Variants in MAN2C1 observed in about 807,000 individuals in gnomAD.
MAN2C1 encodes alpha-mannosidase 2C1.
In MAN2C1, 111 loss-of-function variants were observed where a neutral mutation model predicts 126.9. The ratio of observed to expected loss-of-function variants is 0.87; its 90% CI spans 0.75 to 1.02. The LOEUF (loss-of-function observed/expected upper bound fraction) is 1.02. Ranked by LOEUF, MAN2C1 falls within the 50% of genes least tolerant of loss-of-function variation. The probability of loss-of-function intolerance (pLI) is 0.00; values close to 1 mark genes in which losing one functional copy is unlikely to be tolerated. For missense variants in MAN2C1, 1,363 were observed against 1,364.4 expected (o/e 1.00, Z 0.02); for synonymous variants, 567 against 561.5 (o/e 1.01, Z -0.14).
In MAN2C1 at chr15:75,368,472, A is replaced by G; in HGVS notation, c.101+11T>C. ...TGCGGTCGGCCGGCTGCGGGGGACC[A>G]GGGGCCACACCTGCCGCGGAGGTTA... On this transcript the variant is annotated intron_variant, in intron 1 of 25. Transcript: ENST00000267978. The G allele has an allele frequency of 6.5e-7, 1 of 1,547,392 alleles. No individual in the cohort carries two copies. The highest frequency in any genetic ancestry group is 8.7e-7 in the Non-Finnish European group (1 of 1,144,714).
rs1567268364 is a variant in MAN2C1, at chr15:75,356,267, CG to C, written c.2886+33del. On this transcript the variant is annotated intron_variant, in intron 24 of 25. Coordinates refer to ENST00000267978, the MANE Select transcript of MAN2C1 (RefSeq NM_006715.4). The surrounding 1 kb of genome is among the most constrained non-coding windows in gnomAD (Gnocchi z 5.8). ...GGAGGGGCCGAGGGCAGGCCCAGTT[CG>C]GAACCCCGTCCCCAGCACGTCCCAC... 3.1e-6 allele frequency: 5 copies of C among 1,611,070 alleles called. No individual in the cohort carries two copies. The highest frequency in any genetic ancestry group is 3.4e-6 in the Non-Finnish European group (4 of 1,178,540).
At chr15:75,367,031 G>A (rs964199821) in intron 3 of MAN2C1, among the ~76,000 whole-genome samples, 2 of 152,156 alleles carry the variant, frequency 1.3e-5, no homozygotes, top group African/African-American at 4.8e-5. Context: ...AGGAAGGGAT[G>A]GTCTCTGCCT....
In MAN2C1 at chr15:75,368,150, C is replaced by T. The variant is rs557669564; in HGVS notation, c.150G>A (p.Thr50=). The T allele has an allele frequency of 4.4e-6, 7 of 1,604,384 alleles. No homozygotes were observed. Among genetic ancestry groups the T allele is most frequent in the Non-Finnish European group, 5.9e-6 (7 of 1,176,878 alleles). ...CCTCCTGGTAGGGAAGTCTCTCCGGCGTCAGGAAGCTGGAGAGCACAGCCA... is the reference window on the plus strand; with the variant it reads ...CCTCCTGGTAGGGAAGTCTCTCCGGTGTCAGGAAGCTGGAGAGCACAGCCA... ...CPVAVLSSFL[T]PERLPYQEAV... The change falls in exon 2 of 26, where the codon ACG becomes ACA. Residue 50 remains threonine, a synonymous_variant. Transcript: ENST00000267978.
intron 4 of MAN2C1, chr15:75,365,589 G>A (rs763210669): frequency 1.5e-4 from 27 of 180,248 alleles, no homozygotes; most frequent in Non-Finnish European, 2.6e-4. Flanking sequence ...AGCTGGGCAT[G>A]GTGGTGGGCA....
Position 75,355,946 on chromosome 15 carries a change from A to G in MAN2C1, c.3083T>C (p.Val1028Ala). ...CTGAAGCACGAGCAACAGGGACAGC[A>G]CTTGGAAGGGAGAAAAGGTGAGCTT... ...RLKLTFSPFQ[V>A]LSLLLVLQPP... Residue 1028 changes from valine (V) to alanine (A), a missense_variant, in exon 26 of 26, where the codon GTG becomes GCG. Around this residue, in one of 3 missense-constraint regions of MAN2C1, gnomAD observed 668 missense variants for 650.1 expected, o/e 1.03. Transcript: ENST00000267978. 6.2e-7 allele frequency: 1 copy of G among 1,614,198 alleles called. No homozygotes were observed. The highest frequency in any genetic ancestry group is 8.5e-7 in the Non-Finnish European group (1 of 1,180,030).
chr15:75,368,530 C>T lies in MAN2C1; in HGVS notation c.54G>A (p.Glu18=). Residue 18 remains glutamate, a synonymous_variant, in exon 1 of 26, where the codon GAG becomes GAA. Transcript: ENST00000267978. ...TAAAGTAGAGCGGCGACACGAACTTCTCCACCCGCTCCAGCGTGGTGCGCC... is the reference window on the plus strand; with the variant it reads ...TAAAGTAGAGCGGCGACACGAACTTTTCCACCCGCTCCAGCGTGGTGCGCC... ...KHWRTTLERV[E]KFVSPLYFTD... 1 of 1,555,082 alleles carries T rather than the reference C, an allele frequency of 6.4e-7. No homozygotes were observed. The highest frequency in any genetic ancestry group is 1.2e-5 in the South Asian group (1 of 84,406).
At chr15:75,368,042 T>G (rs1398465369) in intron 2 of MAN2C1, 31 bp downstream of exon 2, 4 of 1,587,440 alleles carry the variant, frequency 2.5e-6, no homozygotes, top group Non-Finnish European at 3.4e-6. Context: ...CCTAGGCCTG[T>G]GGCCCCGCCC....
Position 75,360,690 on chromosome 15 carries a change from TGAG to T in MAN2C1, c.1461-5_1461-3del. On this transcript the variant is annotated splice_polypyrimidine_tract_variant and splice_region_variant and intron_variant, in intron 12 of 25. Transcript: ENST00000267978. ...TGTCTTGGAGAAGATAGCTGCACCC[TGAG>T]GAGACCACAAGCCTAGGTCTCCCAG... The T allele has an allele frequency of 6.2e-7, 1 of 1,613,226 alleles. No individual in the cohort carries two copies. Among genetic ancestry groups the T allele is most frequent in the East Asian group, 2.2e-5 (1 of 44,882 alleles).
In MAN2C1 at chr15:75,367,803, G is replaced by A. The variant is rs562483699; in HGVS notation, c.228-169C>T. ...CAACAAGGTGAGAAGCAAGATGAGG[G>A]AAACAGGCAGAGGCGTCAAAGGTTC... On this transcript the variant is annotated intron_variant, in intron 2 of 25. Transcript: ENST00000267978. 2.4e-5 allele frequency: 23 copies of A among 942,552 alleles called. No individual in the cohort carries two copies. The Admixed American group carries it at 4.0e-4, about 16-fold the overall frequency. 58.4% of individuals were successfully genotyped at this position (942,552 alleles called of 1,614,324 possible). A position where few individuals can be genotyped will look rare whatever the true frequency, so the allele number is the denominator to read the frequency against.
intron 2 of MAN2C1, 50 bp downstream of exon 2, chr15:75,368,023 G>T (rs763369866): frequency 5.1e-6 from 8 of 1,556,496 alleles, no homozygotes; most frequent in Non-Finnish European, 6.9e-6. Flanking sequence ...GAGCTGGGTT[G>T]GGACTTCCCC....
rs962474223 is a variant in MAN2C1 at position 75,355,814 on chromosome 15, C to A, written c.*92G>T. The stretch of plus-strand genomic sequence containing the variant: ...GGGTTCCCGATCCAAGGATTTATTC[C>A]ACAAGAAAAGACTGATCCCTGCTTT... On this transcript the variant is annotated 3_prime_UTR_variant, in exon 26 of 26. Transcript: ENST00000267978. 3.4e-5 allele frequency: 51 copies of A among 1,489,166 alleles called. No homozygotes were observed. Among genetic ancestry groups the A allele is most frequent in the Non-Finnish European group, 4.4e-5 (48 of 1,090,188 alleles). The allele number at this position is 1,489,166 out of a possible 1,614,324, so 92.2% of individuals were successfully genotyped here.
intron 3 of MAN2C1, among the ~76,000 whole-genome samples, chr15:75,367,263 A>C (rs1311910439): frequency 2.0e-5 from 3 of 152,162 alleles, no homozygotes; most frequent in South Asian, 2.1e-4. Flanking sequence ...ATGGGTGATA[A>C]GGAGAGATCC....
chr15:75,359,542 C>T, intron 16 of MAN2C1, 78 bp downstream of exon 16: 1 of 1,578,326 alleles, frequency 6.3e-7, no homozygotes, highest in Non-Finnish European at 8.6e-7. Flanking sequence ...CACCCAGATC[C>T]CTCGGGGTAT....
At chr15:75,359,257 G>T (rs374420457) in intron 17 of MAN2C1, 71 bp downstream of exon 17, 7 of 1,593,550 alleles carry the variant, frequency 4.4e-6, no homozygotes, top group South Asian at 1.1e-5. Context: ...CCAGACAGGG[G>T]AGCTCAGGAC....
rs1358040356 is a variant in MAN2C1 at position 75,359,315 on chromosome 15, A to G, written c.2046+13T>C. 1.3e-6 allele frequency: 2 copies of G among 1,580,102 alleles called. No homozygotes were observed. The highest frequency in any genetic ancestry group is 2.2e-5 in the East Asian group (1 of 44,516). The stretch of plus-strand genomic sequence containing the variant: ...CAGCACAGTTCCTGCCCCCCAGGGC[A>G]TGCAGGACTCACCTCTTGCACTACG... On this transcript the variant is annotated intron_variant, in intron 17 of 25. Coordinates refer to ENST00000267978, the MANE Select transcript of MAN2C1 (RefSeq NM_006715.4).
chr15:75,367,972 A>T, intron 2 of MAN2C1, 101 bp downstream of exon 2: 1 of 1,404,302 alleles, frequency 7.1e-7, no homozygotes. Flanking sequence ...GATCCCACGT[A>T]GTTGTCTACG....
chr15:75,358,653 A>G (rs373211245), intron 19 of MAN2C1, 35 bp from the exon 20 acceptor site: 2 of 1,433,450 alleles, frequency 1.4e-6, no homozygotes, highest in African/African-American at 3.4e-5. Flanking sequence ...GATCCAGAGC[A>G]GCCTGTGTTC....
rs1416409018 is a variant in MAN2C1 at position 75,356,767 on chromosome 15, C to T, written c.2657+26G>A. The T allele has an allele frequency of 6.2e-7, 1 of 1,613,290 alleles. No homozygotes were observed. The highest frequency in any genetic ancestry group is 8.5e-7 in the Non-Finnish European group (1 of 1,179,502). On this transcript the variant is annotated intron_variant, in intron 22 of 25. Transcript: ENST00000267978. The surrounding 1 kb of genome is among the most constrained non-coding windows in gnomAD (Gnocchi z 5.8). The stretch of plus-strand genomic sequence containing the variant: ...AAGACCCATTTCTCCATGCCAGCTC[C>T]CAGGCCTGGTGGGTACCCCACTTAC...
At position 75,359,424 on chromosome 15, in the gene MAN2C1, G is replaced by C. The variant is rs1233944539; in HGVS notation, c.1950C>G (p.Ala650=). Residue 650 remains alanine, a splice_region_variant and synonymous_variant, in exon 17 of 26, where the codon GCC becomes GCG. Transcript: ENST00000267978. ...AGCCCATGCTGGGCACTGTCACCAG[G>C]GCTGGGGGTGAGGCCTGGGCATCAG... ...LPKPGGAHSL[A]LVTVPSMGYA... The C allele has an allele frequency of 1.9e-6, 3 of 1,610,300 alleles. No homozygotes were observed. The highest frequency in any genetic ancestry group is 3.3e-5 in the Admixed American group (2 of 59,888).
Sources: allele counts gnomAD v4.1 joint callset (sites outside exome capture counted in the v4.1 genomes callset), GRCh38; gene constraint gnomAD v4.1.1; regional missense constraint gnomAD v4.1.1; non-coding constraint Gnocchi (gnomAD v3.1); transcripts MANE v1.5; gene names NCBI Gene and HGNC (gene_info 2026-07-23, HGNC 2026-07-21).